The following NR5A2 variants were observed in gnomAD, a reference collection of about 807,000 sequenced individuals.
NR5A2 encodes the protein nuclear receptor subfamily 5 group A member 2.
Under a neutral mutation model 62.7 loss-of-function variants are expected in NR5A2, and 26 were observed. The ratio of observed to expected loss-of-function variants is 0.41; its 90% CI spans 0.30 to 0.58. NR5A2 has a LOEUF of 0.58. NR5A2 is among the 20% of genes least tolerant of loss of function. The probability of loss-of-function intolerance (pLI) is 0.22; values close to 1 mark genes in which losing one functional copy is unlikely to be tolerated. For synonymous variants in NR5A2, 246 were observed against 241.7 expected, an observed-to-expected ratio of 1.02 and a Z score of -0.16; for missense variants, 541 against 669.1, an observed-to-expected ratio of 0.81 and a Z score of 2.11.
intron 7 of NR5A2, among the ~76,000 whole-genome samples, chr1:200,133,572 T>TAC (rs574407852): frequency 0.022 from 3,043 of 137,252 alleles, 43 homozygotes; most frequent in Non-Finnish European, 0.025. Context: ...CATATATATA[T>TAC]ACACATATAT....
chr1:200,121,597 T>TA (rs34283485), intron 7 of NR5A2, among the ~76,000 whole-genome samples: 1 of 152,092 alleles, frequency 6.6e-6, no homozygotes, highest in South Asian at 2.1e-4. Context: ...CAGCTTGGAA[T>TA]AAAAAAAGGA....
At chr1:200,061,275 C>CT (rs35232000) in intron 5 of NR5A2, among the ~76,000 whole-genome samples, 43,514 of 122,812 alleles carry the variant, frequency 0.35, 9,606 homozygotes, top group African/African-American at 0.59. Context: ...TCGGGATTAA[C>CT]TTTTTTTTTT....
chr1:200,052,782 C>A (rs556178387), intron 5 of NR5A2, among the ~76,000 whole-genome samples: 1 of 151,730 alleles, frequency 6.6e-6, no homozygotes, highest in Admixed American at 6.5e-5. Flanking sequence ...GCTGGGACTA[C>A]AGGTGCCTGC....
chr1:200,114,578 T>C (rs1024833208), intron 6 of NR5A2, among the ~76,000 whole-genome samples: 2 of 152,178 alleles, frequency 1.3e-5, no homozygotes, highest in African/African-American at 4.8e-5. Flanking sequence ...TCCTCACCTG[T>C]CCAGTGGCAA....
At chr1:200,133,484 G>A (rs1667057790) in intron 7 of NR5A2, among the ~76,000 whole-genome samples, 1 of 144,284 alleles carries the variant, frequency 6.9e-6, no homozygotes, top group Non-Finnish European at 1.5e-5. Flanking sequence ...GTTATATAAT[G>A]ATGTTTTGGT....
chr1:200,114,365 T>G (rs971901566), intron 6 of NR5A2, among the ~76,000 whole-genome samples: 2 of 152,200 alleles, frequency 1.3e-5, no homozygotes, highest in Non-Finnish European at 2.9e-5. Context: ...CTTCCTGTTA[T>G]GTTTATAATC....
intron 7 of NR5A2, among the ~76,000 whole-genome samples, chr1:200,153,270 G>A (rs116683018): frequency 0.01 from 1,578 of 152,290 alleles, 17 homozygotes; most frequent in African/African-American, 0.032. Flanking sequence ...CCTCAAGGTA[G>A]CACTCATGCT....
chr1:200,098,089 A>C (rs1665183621), intron 5 of NR5A2, among the ~76,000 whole-genome samples: 1 of 152,070 alleles, frequency 6.6e-6, no homozygotes, highest in Admixed American at 6.6e-5. Flanking sequence ...CCTCCTTTTG[A>C]GATTTAAGCT....
chr1:200,069,598 T>C (rs191413437), intron 5 of NR5A2, among the ~76,000 whole-genome samples: 22 of 152,334 alleles, frequency 1.4e-4, no homozygotes, highest in African/African-American at 4.6e-4. Context: ...TGCATATAGA[T>C]ACAAGTTTTA....
In NR5A2 at chr1:200,059,671, A is replaced by G. The variant is rs192945269; in HGVS notation, c.1110+10853A>G. 2.1e-3 allele frequency among the ~76,000 whole-genome samples: 318 copies of G among 152,124 alleles called. 3 individuals carry two copies. The highest frequency in any genetic ancestry group is 7.1e-4 in the Non-Finnish European group (48 of 68,024). ...CAAACACACACAGAAAACATGACTC[A>G]TATGTGACATCCCTCAACACACTTT... On this transcript the variant is annotated intron_variant, in intron 5 of 7. Coordinates refer to ENST00000367362, the MANE Select transcript of NR5A2 (RefSeq NM_205860.3).
At chr1:200,073,261 TTCCC>T (rs1201266604) in intron 5 of NR5A2, among the ~76,000 whole-genome samples, 6 of 95,634 alleles carry the variant, frequency 6.3e-5, no homozygotes, top group African/African-American at 2.9e-4. Flanking sequence ...TATATATATA[TTCCC>T]CTTTATATAT....
chr1:200,133,600 TAC>T lies in NR5A2; in HGVS notation c.1378+12649_1378+12650del, dbSNP rs559997490. On this transcript the variant is annotated intron_variant, in intron 7 of 7. Transcript: ENST00000367362. ...ACATATATATACACATATATATATA[TAC>T]ACATATATACACACACACACACACG... is the stretch of plus-strand genomic sequence containing the variant. Among the ~76,000 whole-genome samples, 11 of 95,132 alleles carry T rather than the reference TAC, an allele frequency of 1.2e-4. No individual in the cohort carries two copies. The East Asian group carries it at 3.9e-3, about 34-fold the overall frequency. The allele number at this position is 95,132 out of a possible 152,430, so 62.4% of individuals were successfully genotyped here.
intron 5 of NR5A2, among the ~76,000 whole-genome samples, chr1:200,079,366 A>G (rs2102231779): frequency 6.6e-6 from 1 of 152,336 alleles, no homozygotes; most frequent in South Asian, 2.1e-4. Flanking sequence ...TTGCCTTTGA[A>G]TTATTTCACA....
chr1:200,062,517 C>T (rs893295885), intron 5 of NR5A2, among the ~76,000 whole-genome samples: 2 of 152,096 alleles, frequency 1.3e-5, no homozygotes, highest in Admixed American at 1.3e-4. Flanking sequence ...TTACATTTCC[C>T]CTTATAAAAT....
At chr1:200,114,174 C>T (rs868438414) in intron 6 of NR5A2, among the ~76,000 whole-genome samples, 9 of 102,512 alleles carry the variant, frequency 8.8e-5, no homozygotes, top group Non-Finnish European at 5.9e-5. Flanking sequence ...CAGAGCAAGA[C>T]GCCATCTCAA....
chr1:200,127,312 AT>A (rs1328065040), intron 7 of NR5A2, among the ~76,000 whole-genome samples: 3 of 151,528 alleles, frequency 2.0e-5, no homozygotes, highest in South Asian at 2.1e-4. Context: ...TCTGCTCAAA[AT>A]TTTTTTTTCA....
At chr1:200,030,085 A>G (rs1050176825) in intron 1 of NR5A2, among the ~76,000 whole-genome samples, 1 of 152,036 alleles carries the variant, frequency 6.6e-6, no homozygotes, top group Non-Finnish European at 1.5e-5. Context: ...CTGATTGCCC[A>G]GGGTAGCCCC....
intron 5 of NR5A2, among the ~76,000 whole-genome samples, chr1:200,109,362 C>T (rs748219919): frequency 3.3e-5 from 5 of 152,176 alleles, no homozygotes; most frequent in Non-Finnish European, 7.4e-5. Context: ...GTTGTTATTT[C>T]TGCATTTGTG....
chr1:200,038,704 G>C lies in NR5A2; in HGVS notation c.65-954G>C, dbSNP rs1257217575. ...CCTTCTTCTTGCTTCCCCTCAGATCGAGGAAATTGCCGCTCTGGCTGCTTC... is the reference window on the plus strand; with the variant it reads ...CCTTCTTCTTGCTTCCCCTCAGATCCAGGAAATTGCCGCTCTGGCTGCTTC... On this transcript the variant is annotated intron_variant, in intron 1 of 7. Transcript: ENST00000367362. 2.2e-6 allele frequency: 3 copies of C among 1,365,878 alleles called. No individual in the cohort carries two copies. In the South Asian group the frequency reaches 3.4e-5, roughly 16 times the overall value. The allele number at this position is 1,365,878 out of a possible 1,614,324, so 84.6% of individuals were successfully genotyped here. A position where few individuals can be genotyped will look rare whatever the true frequency, so the allele number is the denominator to read the frequency against.
Sources: allele counts gnomAD v4.1 joint callset (sites outside exome capture counted in the v4.1 genomes callset), GRCh38; gene constraint gnomAD v4.1.1; transcripts MANE v1.5; gene names NCBI Gene and HGNC (gene_info 2026-07-23, HGNC 2026-07-21).